The following ZFPM2 variants were observed in gnomAD, a reference collection of about 807,000 sequenced individuals.
ZFPM2 encodes the protein zinc finger protein ZFPM2.
Under a neutral mutation model 98.6 loss-of-function variants are expected in ZFPM2, and 20 were observed. The ratio of observed to expected loss-of-function variants is 0.20; its 90% confidence interval spans 0.14 to 0.29. The LOEUF (loss-of-function observed/expected upper bound fraction) is 0.29, where lower values mean the gene tolerates loss of function less well. Ranked by LOEUF, ZFPM2 falls within the 10% of genes least tolerant of loss-of-function variation. The pLI, the probability that ZFPM2 is intolerant of heterozygous loss-of-function variation, is 1.00. For synonymous variants in ZFPM2, 518 were observed against 502.7 expected, an observed-to-expected ratio of 1.03 and a Z score of -0.41; for missense variants, 1,310 against 1,388.6, an observed-to-expected ratio of 0.94 and a Z score of 0.90.
Position 105,444,390 on chromosome 8 carries a change from G to C in ZFPM2, c.301+9G>C, listed in dbSNP as rs367972104. The C allele has an allele frequency of 2.5e-6, 4 of 1,597,632 alleles. No homozygotes were observed. Among genetic ancestry groups the C allele is most frequent in the South Asian group, 1.1e-5 (1 of 87,978 alleles). On this transcript the variant is annotated intron_variant, in intron 3 of 7. Transcript: ENST00000407775. ...CGACTGGGATGGACCAGGTAGGGGA[G>C]AATATTTAAAATTCAACCGTCTTTA...
rs200898545 is a variant in ZFPM2 at position 105,625,970 on chromosome 8, G to GAAAA, written c.421-8276_421-8275insAAAA. 8.0e-3 allele frequency among the ~76,000 whole-genome samples: 1,133 copies of GAAAA among 141,090 alleles called. 16 individuals are homozygous for GAAAA. The highest frequency in any genetic ancestry group is 0.028 in the African/African-American group (1,047 of 36,784). The allele number at this position is 141,090 out of a possible 152,430, so 92.6% of individuals were successfully genotyped here. A position where few individuals can be genotyped will look rare whatever the true frequency, so the allele number is the denominator to read the frequency against. Reference sequence around the variant, plus strand: ...AGTTTAAAATGACACTCTATTTTCTGGAAAAAAAAAAAAGAGAAAGAAAGA... The same window carrying GAAAA: ...AGTTTAAAATGACACTCTATTTTCTGAAAAGAAAAAAAAAAAAGAGAAAGAAAGA... On this transcript the variant is annotated intron_variant, in intron 4 of 7. Transcript: ENST00000407775.
intron 1 of ZFPM2, among the ~76,000 whole-genome samples, chr8:105,379,753 CAA>C (rs5893740): frequency 2.3e-3 from 290 of 125,652 alleles, no homozygotes; most frequent in Middle Eastern, 0.013. Context: ...AACTCTGTCT[CAA>C]AAAAAAAAAA....
chr8:105,507,857 G>A (rs767011147), intron 3 of ZFPM2, among the ~76,000 whole-genome samples: 4 of 152,142 alleles, frequency 2.6e-5, no homozygotes, highest in Non-Finnish European at 4.4e-5. Context: ...GTAGAATGGC[G>A]TTGAGAGTAA....
At chr8:105,616,711 C>T in intron 4 of ZFPM2, 1 of 370,916 alleles carries the variant, frequency 2.7e-6, no homozygotes, top group African/African-American at 2.2e-5. Context: ...AGAAGTTGTC[C>T]TACTTGATCA....
chr8:105,603,084 A>C (rs1816125160), intron 4 of ZFPM2, among the ~76,000 whole-genome samples: 1 of 152,108 alleles, frequency 6.6e-6, no homozygotes, highest in Admixed American at 6.6e-5. Flanking sequence ...GTGGAATAGT[A>C]GGCATTGTCT....
At chr8:105,642,885 A>G (rs1816973963) in intron 5 of ZFPM2, among the ~76,000 whole-genome samples, 1 of 152,200 alleles carries the variant, frequency 6.6e-6, no homozygotes, top group Non-Finnish European at 1.5e-5. Context: ...AAGGAGGTTA[A>G]AATGTGTGCC....
chr8:105,458,913 A>G (rs1190109360), intron 3 of ZFPM2, among the ~76,000 whole-genome samples: 1 of 152,172 alleles, frequency 6.6e-6, no homozygotes, highest in South Asian at 2.1e-4. Context: ...GCCATTAAAC[A>G]ATAATTATAG....
chr8:105,332,096 G>A (rs567688610), intron 1 of ZFPM2, among the ~76,000 whole-genome samples: 34 of 151,732 alleles, frequency 2.2e-4, no homozygotes, highest in Middle Eastern at 3.4e-3. Context: ...GTTCTGTTCC[G>A]TAATCATGCC....
At chr8:105,492,549 G>A (rs1241482613) in intron 3 of ZFPM2, among the ~76,000 whole-genome samples, 2 of 151,996 alleles carry the variant, frequency 1.3e-5, no homozygotes, top group Non-Finnish European at 2.9e-5. Context: ...TACACATAAA[G>A]GCCAACAAAG....
intron 1 of ZFPM2, among the ~76,000 whole-genome samples, chr8:105,391,267 T>A (rs756145175): frequency 6.6e-6 from 1 of 152,214 alleles, no homozygotes; most frequent in Non-Finnish European, 1.5e-5. Flanking sequence ...TAAAGTATAA[T>A]GAATAAATAG....
intron 5 of ZFPM2, among the ~76,000 whole-genome samples, chr8:105,713,650 T>G (rs953469614): frequency 7.2e-5 from 11 of 152,018 alleles, no homozygotes; most frequent in African/African-American, 2.7e-4. Flanking sequence ...TTGTATGTGG[T>G]GAGAGGTAGG....
At chr8:105,670,352 T>C (rs1817568760) in intron 5 of ZFPM2, among the ~76,000 whole-genome samples, 3 of 151,850 alleles carry the variant, frequency 2.0e-5, no homozygotes, top group Admixed American at 1.3e-4. Context: ...AAAAATTAGC[T>C]GGGCGCGGTG....
chr8:105,691,231 CTTTTTTTTTTTTTT>C lies in ZFPM2; in HGVS notation c.532+56889_532+56902del, dbSNP rs869164122. Among the ~76,000 whole-genome samples the C allele has an allele frequency of 2.2e-4, 15 of 67,966 alleles. 3 individuals carry two copies. The South Asian group carries it at 2.5e-3, about 11-fold the overall frequency. The allele number at this position is 67,966 out of a possible 152,430, so 44.6% of individuals were successfully genotyped here. On this transcript the variant is annotated intron_variant, in intron 5 of 7. Transcript: ENST00000407775. ...CTCAAGCGCCCTGTTCCCAAAGAGA[CTTTTTTTTTTTTTT>C]TTTTTTTTTTTTTTGAGACGGAGTC...
intron 1 of ZFPM2, among the ~76,000 whole-genome samples, chr8:105,330,581 C>CAT (rs55876331): frequency 0.023 from 1,990 of 86,110 alleles, 41 homozygotes; most frequent in African/African-American, 0.069. Flanking sequence ...TATATATATA[C>CAT]ATATATATAT....
intron 2 of ZFPM2, among the ~76,000 whole-genome samples, chr8:105,439,966 A>G (rs144230156): frequency 2.0e-5 from 3 of 152,168 alleles, no homozygotes; most frequent in East Asian, 1.9e-4. Context: ...GGAAAGGTCA[A>G]CGTTTCCCCA....
At position 105,748,370 on chromosome 8, in the gene ZFPM2, A is replaced by G. The variant is rs554023851; in HGVS notation, c.533-40348A>G. Among the ~76,000 whole-genome samples the G allele has an allele frequency of 3.3e-5, 5 of 152,182 alleles. No individual in the cohort carries two copies. In the South Asian group the frequency reaches 1.0e-3, roughly 32 times the overall value. On this transcript the variant is annotated intron_variant, in intron 5 of 7. Transcript: ENST00000407775. ...AAAGAGAATACATATTGAGGCTGTTAATTAAATATTAGGCTAAGGTTTAGA... is the reference window on the plus strand; with the variant it reads ...AAAGAGAATACATATTGAGGCTGTTGATTAAATATTAGGCTAAGGTTTAGA...
intron 6 of ZFPM2, chr8:105,795,830 T>G (rs772374204): frequency 6.2e-6 from 3 of 482,198 alleles, no homozygotes. Flanking sequence ...CTGATTTTTA[T>G]CTAGCTCTAT....
At chr8:105,581,469 A>C (rs1815597286) in intron 4 of ZFPM2, among the ~76,000 whole-genome samples, 1 of 141,262 alleles carries the variant, frequency 7.1e-6, no homozygotes, top group African/African-American at 2.9e-5. Flanking sequence ...ATTTCTTATG[A>C]TAGAGATTAA....
intron 2 of ZFPM2, among the ~76,000 whole-genome samples, chr8:105,422,218 A>AG (rs1180467958): frequency 2.6e-5 from 4 of 151,838 alleles, no homozygotes; most frequent in African/African-American, 9.7e-5. Flanking sequence ...CAGGCGGATC[A>AG]CCTGAGGTCA....
Sources: allele counts gnomAD v4.1 joint callset (sites outside exome capture counted in the v4.1 genomes callset), GRCh38; gene constraint gnomAD v4.1.1; transcripts MANE v1.5; gene names NCBI Gene and HGNC (gene_info 2026-07-23, HGNC 2026-07-21).